The following LRRC7 variants were observed in gnomAD, a reference collection of about 807,000 sequenced individuals.
LRRC7 encodes leucine-rich repeat-containing protein 7.
Under a neutral mutation model 175.7 loss-of-function variants are expected in LRRC7, and 23 were observed. The observed-to-expected ratio is 0.13, with a 90% CI of 0.09 to 0.19. The LOEUF is 0.19. Among genes scored for constraint, LRRC7 ranks in the 10% least tolerant of loss-of-function variants. The pLI is 1.00. For missense variants in LRRC7, 1,354 were observed against 1,904.7 expected, an observed-to-expected ratio of 0.71 and a Z score of 5.38; for synonymous variants, 685 against 680.9, an observed-to-expected ratio of 1.01 and a Z score of -0.09.
intron 4 of LRRC7, among the ~76,000 whole-genome samples, chr1:69,810,536 C>T (rs1208702818): frequency 6.6e-6 from 1 of 152,100 alleles, no homozygotes; most frequent in Admixed American, 6.6e-5. Flanking sequence ...TACAAGGCCA[C>T]AGCAACTAAA....
At chr1:70,114,712 T>G (rs1408504143) in intron 26 of LRRC7, among the ~76,000 whole-genome samples, 1 of 152,190 alleles carries the variant, frequency 6.6e-6, no homozygotes, top group African/African-American at 2.4e-5. Flanking sequence ...AAGTGTGGTT[T>G]TATATGCCAG....
chr1:69,853,254 T>C (rs1683186465), intron 7 of LRRC7, among the ~76,000 whole-genome samples: 2 of 148,490 alleles, frequency 1.3e-5, no homozygotes, highest in Non-Finnish European at 1.5e-5. Context: ...CATTTGTTTC[T>C]CTTTTTCCTT....
At position 69,695,587 on chromosome 1, in the gene LRRC7, C is replaced by G. The variant is rs535578183; in HGVS notation, c.100+17109C>G. 2.6e-5 allele frequency among the ~76,000 whole-genome samples: 4 copies of G among 152,252 alleles called. No individual in the cohort carries two copies. The East Asian group carries it at 7.7e-4, about 29-fold the overall frequency. Reference sequence around the variant, plus strand: ...AATAGCCAAGAAATGGGAAAAAAGGCCTGAAAGGCCATCAGAAATCTTTGA... The same window carrying G: ...AATAGCCAAGAAATGGGAAAAAAGGGCTGAAAGGCCATCAGAAATCTTTGA... On this transcript the variant is annotated intron_variant, in intron 2 of 26. Transcript: ENST00000651989.
chr1:69,707,124 A>T (rs958980865), intron 2 of LRRC7, among the ~76,000 whole-genome samples: 3 of 152,048 alleles, frequency 2.0e-5, no homozygotes, highest in African/African-American at 7.2e-5. Context: ...AGGAATAAAT[A>T]AAAAAAAGTT....
intron 7 of LRRC7, among the ~76,000 whole-genome samples, chr1:69,911,042 C>T (rs1415699990): frequency 1.3e-5 from 2 of 152,174 alleles, no homozygotes; most frequent in Non-Finnish European, 2.9e-5. Flanking sequence ...TTTTTTAAGC[C>T]CGTTGGAAAA....
At chr1:69,950,258 T>C (rs1290950427) in intron 8 of LRRC7, among the ~76,000 whole-genome samples, 1 of 152,002 alleles carries the variant, frequency 6.6e-6, no homozygotes, top group Non-Finnish European at 1.5e-5. Context: ...GATGATAATA[T>C]AGGAAAACTG....
At chr1:70,021,195 T>G (rs1657459236) in intron 16 of LRRC7, 66 bp downstream of exon 16, 1 of 1,520,930 alleles carries the variant, frequency 6.6e-7, no homozygotes, top group Non-Finnish European at 9.0e-7. Flanking sequence ...TTTTTCTTAT[T>G]CAGATAGATT....
intron 1 of LRRC7, among the ~76,000 whole-genome samples, chr1:69,656,862 G>C (rs1003559354): frequency 2.0e-5 from 3 of 151,426 alleles, no homozygotes; most frequent in Non-Finnish European, 4.4e-5. Context: ...AATAACAATA[G>C]TAGAAATAAA....
At chr1:69,584,723 A>G (rs1440666713) in intron 1 of LRRC7, among the ~76,000 whole-genome samples, 1 of 152,176 alleles carries the variant, frequency 6.6e-6, no homozygotes, top group East Asian at 1.9e-4. Context: ...CTTTTGAGAT[A>G]AAGACAAAAA....
intron 8 of LRRC7, among the ~76,000 whole-genome samples, chr1:69,959,171 A>G (rs1650796210): frequency 6.6e-6 from 1 of 152,084 alleles, no homozygotes. Context: ...CCAAACTGTG[A>G]TTTTCTCCAA....
At chr1:69,784,231 T>A (rs906904695) in intron 3 of LRRC7, among the ~76,000 whole-genome samples, 3 of 152,036 alleles carry the variant, frequency 2.0e-5, no homozygotes, top group Admixed American at 2.0e-4. Context: ...TGTAAAAGCA[T>A]AAACAGAAGC....
At chr1:69,829,337 A>T (rs956449900) in intron 5 of LRRC7, among the ~76,000 whole-genome samples, 32 of 151,882 alleles carry the variant, frequency 2.1e-4, no homozygotes, top group Non-Finnish European at 4.1e-4. Flanking sequence ...TCTTTGTTGT[A>T]GTTTTTTAAC....
At chr1:70,003,338 C>A (rs1655707400) in intron 11 of LRRC7, among the ~76,000 whole-genome samples, 1 of 152,152 alleles carries the variant, frequency 6.6e-6, no homozygotes, top group South Asian at 2.1e-4. Context: ...GGGAAACATT[C>A]AGTCCATAAC....
intron 7 of LRRC7, among the ~76,000 whole-genome samples, chr1:69,900,962 A>G (rs1402200522): frequency 6.6e-6 from 1 of 152,270 alleles, no homozygotes; most frequent in Non-Finnish European, 1.5e-5. Context: ...CAATGTATAC[A>G]GTGGTTTTGC....
At chr1:69,938,403 A>C (rs1304614154) in intron 8 of LRRC7, among the ~76,000 whole-genome samples, 6 of 152,090 alleles carry the variant, frequency 3.9e-5, no homozygotes, top group Admixed American at 2.6e-4. Flanking sequence ...GAGAATTGTT[A>C]ATCTCAATAT....
Position 69,804,110 on chromosome 1 carries a change from G to T in LRRC7, c.421+11950G>T, listed in dbSNP as rs1676838809. Among the ~76,000 whole-genome samples the T allele has an allele frequency of 2.0e-5, 3 of 151,204 alleles. No individual in the cohort carries two copies. The South Asian group carries it at 6.2e-4, about 31-fold the overall frequency. On this transcript the variant is annotated intron_variant, in intron 4 of 26. Transcript: ENST00000651989. ...TGTTTTCTGGTGCTCTAATACATTT[G>T]GGACCTTTTTATTCACCGTTGTTTT...
At chr1:69,891,311 G>A (rs1474718027) in intron 7 of LRRC7, among the ~76,000 whole-genome samples, 1 of 152,244 alleles carries the variant, frequency 6.6e-6, no homozygotes, top group Admixed American at 6.5e-5. Flanking sequence ...CAAGGAGAGG[G>A]AGAGAGGAAT....
rs1665616816 is a variant in LRRC7 at position 69,717,810 on chromosome 1, G to GAAAGAAAGAAAT, written c.100+39343_100+39344insTAAAGAAAGAAA. On this transcript the variant is annotated intron_variant, in intron 2 of 26. Coordinates refer to ENST00000651989, the MANE Select transcript of LRRC7 (RefSeq NM_001370785.2). ...AGAAAGAAAGAAAGAAAGAAAGAAA[G>GAAAGAAAGAAAT]AAAGAAAGAAAGAAAGAAAGAAAGA... Among the ~76,000 whole-genome samples, 9 of 24,276 alleles carry GAAAGAAAGAAAT rather than the reference G, an allele frequency of 3.7e-4. 2 individuals carry two copies. The highest frequency in any genetic ancestry group is 2.4e-3 in the African/African-American group (9 of 3,694). The allele number at this position is 24,276 out of a possible 152,430, so 15.9% of individuals were successfully genotyped here.
intron 20 of LRRC7, among the ~76,000 whole-genome samples, chr1:70,037,048 C>G (rs1037547525): frequency 5.9e-5 from 9 of 152,232 alleles, no homozygotes; most frequent in Middle Eastern, 6.8e-3. Context: ...TTTATCACCA[C>G]CTGGAAAAGT....
Sources: gnomAD v4.1 joint callset for allele counts (sites outside exome capture counted in the v4.1 genomes callset) on GRCh38, gnomAD v4.1.1 for gene constraint, MANE v1.5 for transcripts, NCBI Gene and HGNC (gene_info 2026-07-23, HGNC 2026-07-21) for gene names.